The following MCPH1 variants were observed in gnomAD, a reference collection of about 807,000 sequenced individuals.
MCPH1 encodes the protein microcephalin.
A neutral mutation model predicts 84.5 loss-of-function variants in MCPH1; 104 were observed. That is an observed-to-expected ratio of 1.23 (90% CI 1.05 to 1.45). MCPH1 has a LOEUF of 1.45. MCPH1 is among the 40% of genes most tolerant of loss of function. The pLI is 0.00. For synonymous variants in MCPH1, 514 were observed against 366.8 expected (o/e 1.40, Z -4.58); for missense variants, 1,498 against 1,005.7 (o/e 1.49, Z -6.62).
intron 12 of MCPH1, among the ~76,000 whole-genome samples, chr8:6,606,181 T>C (rs182457898): frequency 5.3e-5 from 8 of 152,264 alleles, no homozygotes; most frequent in Non-Finnish European, 8.8e-5. Flanking sequence ...ACTTTGTTCA[T>C]ACTTTGAAGA....
At chr8:6,439,770 A>C (rs1461899497) in intron 6 of MCPH1, among the ~76,000 whole-genome samples, 1 of 152,090 alleles carries the variant, frequency 6.6e-6, no homozygotes, top group African/African-American at 2.4e-5. Flanking sequence ...GTTTTTCATT[A>C]TTTCTTTTAT....
intron 12 of MCPH1, among the ~76,000 whole-genome samples, chr8:6,584,513 C>T (rs1481231228): frequency 2.6e-5 from 4 of 152,144 alleles, no homozygotes; most frequent in East Asian, 3.8e-4. Flanking sequence ...TACTGAGACA[C>T]TTCACATCTA....
chr8:6,629,674 C>T (rs1797011982), intron 13 of MCPH1, among the ~76,000 whole-genome samples: 1 of 152,108 alleles, frequency 6.6e-6, no homozygotes, highest in African/African-American at 2.4e-5. Flanking sequence ...CTGTTTAAGC[C>T]ACCCACCCTG....
At position 6,502,414 on chromosome 8, in the gene MCPH1, G is replaced by T. The variant is rs369776646; in HGVS notation, c.2214+2485G>T. 5.9e-5 allele frequency: 9 copies of T among 152,286 alleles called. No individual in the cohort carries two copies. In the East Asian group the frequency reaches 1.5e-3, roughly 26 times the overall value. 9.4% of individuals were successfully genotyped at this position (152,286 alleles called of 1,614,324 possible). A position where few individuals can be genotyped will look rare whatever the true frequency, so the allele number is the denominator to read the frequency against. ...GCACGTTTCTGTTGATAATTTCAGA[G>T]ATTCTGGAAGTTTCTACCATATAAA... On this transcript the variant is annotated intron_variant, in intron 12 of 13. Transcript: ENST00000344683.
chr8:6,563,977 T>G (rs1825910151), intron 12 of MCPH1, among the ~76,000 whole-genome samples: 1 of 5,432 alleles, frequency 1.8e-4, no homozygotes, highest in African/African-American at 2.0e-4. Flanking sequence ...GAATACAAAC[T>G]TTTTTTTTTT....
intron 12 of MCPH1, among the ~76,000 whole-genome samples, chr8:6,512,935 A>T (rs1815469584): frequency 6.6e-6 from 1 of 152,226 alleles, no homozygotes; most frequent in African/African-American, 2.4e-5. Flanking sequence ...CTTGACTTTG[A>T]GATTGAAGAC....
At chr8:6,591,748 A>G (rs1828472824) in intron 12 of MCPH1, among the ~76,000 whole-genome samples, 1 of 152,196 alleles carries the variant, frequency 6.6e-6, no homozygotes, top group South Asian at 2.1e-4. Context: ...GCATTTGGAT[A>G]GAAGGGCGTT....
intron 13 of MCPH1, among the ~76,000 whole-genome samples, chr8:6,640,120 G>C (rs1797851114): frequency 6.7e-6 from 1 of 149,914 alleles, no homozygotes; most frequent in African/African-American, 2.5e-5. Flanking sequence ...GTGTGTGTGT[G>C]CGTGTGTGTG....
At chr8:6,552,400 T>A (rs189131153) in intron 12 of MCPH1, among the ~76,000 whole-genome samples, 16 of 152,340 alleles carry the variant, frequency 1.1e-4, no homozygotes, top group Non-Finnish European at 1.3e-4. Flanking sequence ...ACAGACATTT[T>A]ACACACACAC....
intron 2 of MCPH1, 64 bp downstream of exon 2, chr8:6,409,434 G>A (rs1798228181): frequency 7.4e-7 from 1 of 1,348,496 alleles, no homozygotes; most frequent in Non-Finnish European, 1.1e-6. Flanking sequence ...AGTTACATTT[G>A]CATTTTCTTA....
intron 12 of MCPH1, among the ~76,000 whole-genome samples, chr8:6,535,011 T>TA (rs1193896919): frequency 2.0e-5 from 3 of 152,200 alleles, no homozygotes; most frequent in Admixed American, 2.0e-4. Context: ...AGATAATATT[T>TA]AAAAAGTTTC....
chr8:6,426,297 A>G (rs1055158952), intron 3 of MCPH1, among the ~76,000 whole-genome samples: 1 of 152,156 alleles, frequency 6.6e-6, no homozygotes, highest in Non-Finnish European at 1.5e-5. Flanking sequence ...AATACAGAGC[A>G]TTTTCATCAC....
At chr8:6,557,276 G>T (rs535374913) in intron 12 of MCPH1, among the ~76,000 whole-genome samples, 1 of 152,042 alleles carries the variant, frequency 6.6e-6, no homozygotes, top group South Asian at 2.1e-4. Context: ...AGCATGCCCC[G>T]TGTTTATAAG....
intron 12 of MCPH1, among the ~76,000 whole-genome samples, chr8:6,574,220 G>A (rs1345658188): frequency 6.6e-6 from 1 of 152,190 alleles, no homozygotes; most frequent in African/African-American, 2.4e-5. Context: ...TCACAGCTCT[G>A]GAGGCTAGAA....
intron 11 of MCPH1, among the ~76,000 whole-genome samples, chr8:6,499,233 A>G (rs1412442476): frequency 6.6e-6 from 1 of 152,134 alleles, no homozygotes; most frequent in African/African-American, 2.4e-5. Flanking sequence ...TGAATTAAAA[A>G]GGAAAAGATT....
At chr8:6,414,268 A>G (rs1399238657) in intron 2 of MCPH1, among the ~76,000 whole-genome samples, 1 of 152,258 alleles carries the variant, frequency 6.6e-6, no homozygotes, top group Non-Finnish European at 1.5e-5. Flanking sequence ...TCGGCCTCCC[A>G]AAGTGCTGGG....
intron 12 of MCPH1, among the ~76,000 whole-genome samples, chr8:6,593,072 T>C (rs1477661898): frequency 7.1e-6 from 1 of 140,496 alleles, no homozygotes; most frequent in Non-Finnish European, 1.5e-5. Flanking sequence ...CTATGTTTTT[T>C]AGGGTGTGGT....
At chr8:6,520,701 C>A (rs1817160092) in intron 12 of MCPH1, among the ~76,000 whole-genome samples, 1 of 152,144 alleles carries the variant, frequency 6.6e-6, no homozygotes, top group Non-Finnish European at 1.5e-5. Context: ...TGGCCCTTCC[C>A]TCCAATATAT....
intron 12 of MCPH1, among the ~76,000 whole-genome samples, chr8:6,547,585 G>T (rs192121403): frequency 6.6e-6 from 1 of 152,154 alleles, no homozygotes; most frequent in Non-Finnish European, 1.5e-5. Context: ...TTGGACCACC[G>T]TAGAATGGCT....
Sources: gnomAD v4.1 joint callset for allele counts (sites outside exome capture counted in the v4.1 genomes callset) on GRCh38, gnomAD v4.1.1 for gene constraint, MANE v1.5 for transcripts, NCBI Gene and HGNC (gene_info 2026-07-23, HGNC 2026-07-21) for gene names.